BMAL2: variants seen among roughly 807,000 people sequenced by gnomAD.
BMAL2 encodes the protein basic helix-loop-helix ARNT-like protein 2.
At chr12:27,351,707 C>G in the BMAL2 span, among the ~76,000 whole-genome samples, 1 of 152,192 alleles carries the variant, frequency 6.6e-6, no homozygotes, top group Non-Finnish European at 1.5e-5. Context: ...CTTCAGAAAC[C>G]AGAATCAAGA....
the BMAL2 span, among the ~76,000 whole-genome samples, chr12:27,361,687 C>T: frequency 6.6e-6 from 1 of 152,130 alleles, no homozygotes; most frequent in Non-Finnish European, 1.5e-5. Flanking sequence ...TTATGAGTCA[C>T]CTACTAACAA....
At chr12:27,353,996 G>A in the BMAL2 span, among the ~76,000 whole-genome samples, 5 of 152,204 alleles carry the variant, frequency 3.3e-5, no homozygotes, top group Admixed American at 3.3e-4. Flanking sequence ...AGCCACTGTG[G>A]AAAGCAGTTT....
At chr12:27,408,481 A>C in the BMAL2 span, among the ~76,000 whole-genome samples, 14 of 152,244 alleles carry the variant, frequency 9.2e-5, no homozygotes, top group Non-Finnish European at 2.1e-4. Flanking sequence ...AAACAGAACC[A>C]ATGACAAAAA....
the BMAL2 span, among the ~76,000 whole-genome samples, chr12:27,405,129 G>A: frequency 2.6e-5 from 4 of 152,210 alleles, no homozygotes; most frequent in African/African-American, 9.6e-5. Context: ...GCCCACCGCA[G>A]CTCAAGGAAG....
At chr12:27,339,136 AGT>A in the BMAL2 span, among the ~76,000 whole-genome samples, 2 of 152,042 alleles carry the variant, frequency 1.3e-5, no homozygotes, top group African/African-American at 4.8e-5. Flanking sequence ...AATAGGCCTC[AGT>A]GTGTGTTGGT....
At chr12:27,364,608 C>T in the BMAL2 span, among the ~76,000 whole-genome samples, 4 of 152,160 alleles carry the variant, frequency 2.6e-5, no homozygotes, top group South Asian at 2.1e-4. Context: ...AGTCTTCCCA[C>T]CTTTTGCTTG....
chr12:27,396,579 A>G, the BMAL2 span, among the ~76,000 whole-genome samples: 1 of 152,240 alleles, frequency 6.6e-6, no homozygotes, highest in Non-Finnish European at 1.5e-5. Flanking sequence ...TTTTTGCAGC[A>G]GACACACAGC....
At chr12:27,386,444 G>A in the BMAL2 span, among the ~76,000 whole-genome samples, 354 of 152,236 alleles carry the variant, frequency 2.3e-3, 1 homozygote, top group African/African-American at 8.3e-3. Context: ...GACCTTATGA[G>A]AGTAGCTGAC....
the BMAL2 span, chr12:27,420,479 GA>G: frequency 1.2e-6 from 2 of 1,613,588 alleles, no homozygotes; most frequent in Admixed American, 3.3e-5. Context: ...CTTAGAAGCA[GA>G]GGGGGGCCTG....
At chr12:27,359,733 A>G in the BMAL2 span, among the ~76,000 whole-genome samples, 1 of 152,164 alleles carries the variant, frequency 6.6e-6, no homozygotes, top group Admixed American at 6.6e-5. Flanking sequence ...GGATTTAGGG[A>G]TAAAGATAAA....
the BMAL2 span, among the ~76,000 whole-genome samples, chr12:27,395,318 G>A: frequency 6.6e-6 from 1 of 152,120 alleles, no homozygotes; most frequent in Non-Finnish European, 1.5e-5. Flanking sequence ...TGAAATTCTA[G>A]ACAACACATG....
the BMAL2 span, among the ~76,000 whole-genome samples, chr12:27,395,094 C>G: frequency 6.6e-6 from 1 of 152,204 alleles, no homozygotes; most frequent in Non-Finnish European, 1.5e-5. Context: ...ATTTTCTATA[C>G]CGTAGTTCTC....
At chr12:27,362,307 G>C in the BMAL2 span, among the ~76,000 whole-genome samples, 644 of 152,262 alleles carry the variant, frequency 4.2e-3, 4 homozygotes, top group African/African-American at 0.015. Context: ...CATGTGGTAG[G>C]TGGTGATCCT....
chr12:27,376,664 A>T, the BMAL2 span, among the ~76,000 whole-genome samples: 2 of 152,168 alleles, frequency 1.3e-5, no homozygotes, highest in Admixed American at 1.3e-4. Context: ...TTGATCAATG[A>T]CTTAAACAAA....
chr12:27,390,136 A>G, the BMAL2 span: 2 of 1,614,094 alleles, frequency 1.2e-6, no homozygotes, highest in Non-Finnish European at 1.7e-6. Flanking sequence ...CTGGAAGGAC[A>G]CGTGTGTATT....
the BMAL2 span, among the ~76,000 whole-genome samples, chr12:27,385,175 G>T: frequency 1.1e-4 from 17 of 152,234 alleles, no homozygotes; most frequent in Non-Finnish European, 1.9e-4. Context: ...TTAGCTGGGC[G>T]TGGTGGCATG....
At chr12:27,380,140 G>A in the BMAL2 span, 2 of 1,120,806 alleles carry the variant, frequency 1.8e-6, no homozygotes, top group Non-Finnish European at 2.6e-6. Context: ...TGGGGAGGAA[G>A]AACAGTGTGT....
At chr12:27,412,077 A>G in the BMAL2 span, among the ~76,000 whole-genome samples, 11 of 152,192 alleles carry the variant, frequency 7.2e-5, no homozygotes, top group Non-Finnish European at 1.6e-4. Flanking sequence ...GTGGATAACC[A>G]GTTTTCCCAT....
At chr12:27,414,922 A>G in the BMAL2 span, among the ~76,000 whole-genome samples, 2 of 152,218 alleles carry the variant, frequency 1.3e-5, no homozygotes, top group African/African-American at 4.8e-5. Flanking sequence ...AATAGTGACA[A>G]TATGAATGAA....
Sources: gnomAD v4.1 joint callset for allele counts (sites outside exome capture counted in the v4.1 genomes callset) on GRCh38, gnomAD v4.1.1 for gene constraint, MANE v1.5 for transcripts, NCBI Gene and HGNC (gene_info 2026-07-23, HGNC 2026-07-21) for gene names.